NPHP1: variants seen among roughly 807,000 people sequenced by gnomAD.
NPHP1 encodes nephrocystin-1.
NPHP1 carries 70 observed loss-of-function variants against 90.4 expected under a neutral mutation model. That is an observed-to-expected ratio of 0.77 (90% CI 0.64 to 0.95). NPHP1 has a LOEUF of 0.95. Ranked by LOEUF, NPHP1 falls within the 40% of genes least tolerant of loss-of-function variation. The pLI, the probability that NPHP1 is intolerant of heterozygous loss-of-function variation, is 0.00. For missense variants in NPHP1, 764 were observed against 795.9 expected (o/e 0.96, Z 0.48); for synonymous variants, 256 against 271.7 (o/e 0.94, Z 0.57).
rs201370643 is a variant in NPHP1 at position 110,201,478 on chromosome 2, G to A, written c.86C>T (p.Ser29Phe). The change falls in exon 2 of 20, where the codon TCT becomes TTT. Residue 29 changes from serine to phenylalanine, a missense_variant. Physicochemically the swap from Ser to Phe is radical, Grantham distance 155. Coordinates refer to ENST00000445609, the MANE Select transcript of NPHP1 (RefSeq NM_001128178.3). Reference sequence around the variant, plus strand: ...TAGAGCTTCTTTCAGTTGGCTCTCAGAAAGCAAACTATCAACCTATGGAGA... The same window carrying A: ...TAGAGCTTCTTTCAGTTGGCTCTCAAAAAGCAAACTATCAACCTATGGAGA... Reference protein sequence around the residue: ...ELKQQVDSLLSESQLKEALEP... With the variant: ...ELKQQVDSLLFESQLKEALEP... The A allele has an allele frequency of 3.0e-5, 49 of 1,609,518 alleles. No individual in the cohort carries two copies. The highest frequency in any genetic ancestry group is 1.5e-5 in the Non-Finnish European group (18 of 1,177,046).
At chr2:110,124,997 CATAA>C (rs574722763) in intron 19 of NPHP1, 1 of 458,650 alleles carries the variant, frequency 2.2e-6, no homozygotes, top group East Asian at 3.5e-5. Context: ...CACCTCTTTT[CATAA>C]ATAAAGTTTT....
chr2:110,172,454 T>A (rs1683201546), intron 4 of NPHP1, among the ~76,000 whole-genome samples: 1 of 152,108 alleles, frequency 6.6e-6, no homozygotes, highest in Non-Finnish European at 1.5e-5. Flanking sequence ...AGTAATTGAT[T>A]TTCAACTTTT....
intron 16 of NPHP1, among the ~76,000 whole-genome samples, chr2:110,141,165 C>T (rs951343428): frequency 2.6e-5 from 4 of 152,100 alleles, no homozygotes; most frequent in African/African-American, 9.7e-5. Context: ...TCAAATGCCC[C>T]CTGATTTTAC....
intron 14 of NPHP1, among the ~76,000 whole-genome samples, chr2:110,146,317 T>A (rs1220933723): frequency 6.6e-6 from 1 of 152,162 alleles, no homozygotes; most frequent in Non-Finnish European, 1.5e-5. Flanking sequence ...GTCTGCCTTT[T>A]GATCTTAAAG....
At chr2:110,178,795 G>T in intron 3 of NPHP1, 1 of 444,670 alleles carries the variant, frequency 2.2e-6, no homozygotes, top group Non-Finnish European at 4.0e-6. Flanking sequence ...AAGTATTATA[G>T]ACCTTCCATA....
rs537815695 is a variant in NPHP1, at chr2:110,147,113, T to C, written c.1270-278A>G. On this transcript the variant is annotated intron_variant, in intron 13 of 19. Transcript: ENST00000445609. ...TGCTGCCATTGTCTCTTGACTGATA[T>C]AAGCATTCTGTGGAGTGATCTCAAA... Among the ~76,000 whole-genome samples, 7 of 152,274 alleles carry C rather than the reference T, an allele frequency of 4.6e-5. No individual in the cohort carries two copies. The South Asian group carries it at 1.4e-3, about 32-fold the overall frequency.
Position 110,145,705 on chromosome 2 carries a change from C to T in NPHP1, c.1352+1048G>A, listed in dbSNP as rs568888690. 2.0e-5 allele frequency among the ~76,000 whole-genome samples: 3 copies of T among 152,138 alleles called. No individual in the cohort carries two copies. The East Asian group carries it at 5.8e-4, about 29-fold the overall frequency. On this transcript the variant is annotated intron_variant, in intron 14 of 19. Coordinates refer to ENST00000445609, the MANE Select transcript of NPHP1 (RefSeq NM_001128178.3). ...GTCTATATTAATACACAGAGCTCTA[C>T]CTCATTTAAAAAAATAGCTGTGACT...
At chr2:110,204,826 G>A in intron 1 of NPHP1, 74 bp downstream of exon 1, 1 of 1,497,676 alleles carries the variant, frequency 6.7e-7, no homozygotes. Flanking sequence ...TGGGGTCACG[G>A]TGGGAAGGCG....
At chr2:110,135,961 A>G (rs1049885377) in intron 16 of NPHP1, among the ~76,000 whole-genome samples, 1 of 152,144 alleles carries the variant, frequency 6.6e-6, no homozygotes, top group Non-Finnish European at 1.5e-5. Flanking sequence ...ATGCATCAAA[A>G]AGCTTATCCA....
chr2:110,137,769 A>T, intron 16 of NPHP1, among the ~76,000 whole-genome samples: 1 of 151,366 alleles, frequency 6.6e-6, no homozygotes, highest in Non-Finnish European at 1.5e-5. Flanking sequence ...CAGTGTGGTG[A>T]TTCCTCAGGG....
Position 110,171,180 on chromosome 2 carries a change from C to T in NPHP1, c.330-1182G>A, listed in dbSNP as rs185266277. On this transcript the variant is annotated intron_variant, in intron 4 of 19. Coordinates refer to ENST00000445609, the MANE Select transcript of NPHP1 (RefSeq NM_001128178.3). ...TCTGAGGGTGAGGAAGAGAGAAATG[C>T]CAAAATAATGTTAGCTTGGGCACGT... 6.4e-4 allele frequency among the ~76,000 whole-genome samples: 97 copies of T among 152,160 alleles called. 1 individual carries two copies. The Middle Eastern group carries it at 0.014, about 21-fold the overall frequency.
chr2:110,204,074 T>C (rs926590996), intron 1 of NPHP1, among the ~76,000 whole-genome samples: 1 of 152,196 alleles, frequency 6.6e-6, no homozygotes, highest in Non-Finnish European at 1.5e-5. Flanking sequence ...GATGAATACT[T>C]TTATACATCA....
At position 110,163,094 on chromosome 2, in the gene NPHP1, A is replaced by T. The variant is rs933725255; in HGVS notation, c.813T>A (p.Ile271=). 1 of 1,613,644 alleles carries T rather than the reference A, an allele frequency of 6.2e-7. No homozygotes were observed. The highest frequency in any genetic ancestry group is 1.3e-5 in the African/African-American group (1 of 74,928). ...GCGTGGAAGGCCTGAACCCTGCAGG[A>T]ATAGCTCCCATCGTAGTTAACACAT... is the stretch of plus-strand genomic sequence containing the variant. The part of the protein sequence containing the change: ...TVDVLTTMGA[I]PAGFRPSTLS... Residue 271 remains isoleucine (I), a synonymous_variant, in exon 9 of 20, where the codon ATT becomes ATA. Transcript: ENST00000445609.
chr2:110,161,510 TA>T, intron 10 of NPHP1, 92 bp downstream of exon 10: 1 of 837,814 alleles, frequency 1.2e-6, no homozygotes, highest in Non-Finnish European at 1.9e-6. Flanking sequence ...TTGTTTTTTA[TA>T]ATTCATTAGT....
chr2:110,150,588 C>T (rs955072768), intron 11 of NPHP1, among the ~76,000 whole-genome samples: 25 of 151,900 alleles, frequency 1.6e-4, no homozygotes, highest in Non-Finnish European at 2.5e-4. Context: ...CTCGCTCTGT[C>T]GCCCAGGCTG....
intron 6 of NPHP1, among the ~76,000 whole-genome samples, chr2:110,167,651 A>G (rs749787830): frequency 5.3e-5 from 8 of 152,146 alleles, no homozygotes; most frequent in Admixed American, 5.2e-4. Flanking sequence ...CTAGTAAATT[A>G]CTGAACCCCT....
In NPHP1 at chr2:110,179,638, G is replaced by T; in HGVS notation, c.190C>A (p.Gln64Lys). ...TCAATACTTACTTTGCTTAATTTTT[G>T]AAGAGCATTTTTATTTTCATCTATT... Reference protein sequence around the residue: ...QAIDENKNALQKLSKADESAP... With the variant: ...QAIDENKNALKKLSKADESAP... The change falls in exon 3 of 20, where the codon CAA (glutamine) becomes AAA (lysine). Residue 64 changes from glutamine (Q) to lysine (K), a missense_variant. Coordinates refer to ENST00000445609, the MANE Select transcript of NPHP1 (RefSeq NM_001128178.3). 7.3e-7 allele frequency: 1 copy of T among 1,362,430 alleles called. No individual in the cohort carries two copies. The highest frequency in any genetic ancestry group is 1.2e-5 in the South Asian group (1 of 85,634). The allele number at this position is 1,362,430 out of a possible 1,614,324, so 84.4% of individuals were successfully genotyped here. A position where few individuals can be genotyped will look rare whatever the true frequency, so the allele number is the denominator to read the frequency against.
At chr2:110,187,065 A>G (rs191507519) in intron 2 of NPHP1, among the ~76,000 whole-genome samples, 1 of 152,242 alleles carries the variant, frequency 6.6e-6, no homozygotes, top group East Asian at 1.9e-4. Flanking sequence ...CCACATCAAA[A>G]AGCTAGAAAG....
chr2:110,170,319 AGGCTCTGCTAAATTTAAATTCT>A (rs1320714195), intron 4 of NPHP1, among the ~76,000 whole-genome samples: 1 of 152,194 alleles, frequency 6.6e-6, no homozygotes, highest in Non-Finnish European at 1.5e-5. Context: ...CTTAGAGCAT[AGGCTCTGCTAAATTTAAATTCT>A]GGCTCTATTC....
Sources: allele counts gnomAD v4.1 joint callset (sites outside exome capture counted in the v4.1 genomes callset), GRCh38; gene constraint gnomAD v4.1.1; transcripts MANE v1.5; gene names NCBI Gene and HGNC (gene_info 2026-07-23, HGNC 2026-07-21).